The following TMCO4 variants were observed in gnomAD, a reference collection of about 807,000 sequenced individuals.
TMCO4 encodes the protein transmembrane and coiled-coil domains 4.
TMCO4 carries 58 observed loss-of-function variants against 64.7 expected under a neutral mutation model. The ratio of observed to expected loss-of-function variants is 0.90; its 90% confidence interval spans 0.73 to 1.12. The LOEUF (loss-of-function observed/expected upper bound fraction) is 1.12, where lower values mean the gene tolerates loss of function less well. Among genes scored for constraint, TMCO4 ranks in the 50% most tolerant of loss-of-function variants. TMCO4 has a pLI of 0.00. For missense variants in TMCO4, 780 were observed against 825.9 expected (o/e 0.94, Z 0.68); for synonymous variants, 325 against 346.1 (o/e 0.94, Z 0.68).
At chr1:19,757,159 C>CA (rs1553145644) in intron 6 of TMCO4, among the ~76,000 whole-genome samples, 3 of 135,414 alleles carry the variant, frequency 2.2e-5, no homozygotes, top group African/African-American at 8.1e-5. Context: ...GGCGTGGTGG[C>CA]GGGGGGGGGC....
At chr1:19,715,526 A>G (rs2100705686) in intron 13 of TMCO4, among the ~76,000 whole-genome samples, 1 of 152,320 alleles carries the variant, frequency 6.6e-6, no homozygotes, top group Middle Eastern at 3.4e-3. Flanking sequence ...CACTCTTTGT[A>G]TATTTGGTGC....
At chr1:19,751,672 G>T (rs1186736247) in intron 7 of TMCO4, among the ~76,000 whole-genome samples, 1 of 152,094 alleles carries the variant, frequency 6.6e-6, no homozygotes, top group East Asian at 1.9e-4. Context: ...TTTTCCTAAA[G>T]TTACTTGGCT....
In TMCO4 at chr1:19,743,696, C is replaced by T. The variant is rs2041635082; in HGVS notation, c.877+1836G>A. 1.3e-5 allele frequency among the ~76,000 whole-genome samples: 2 copies of T among 152,198 alleles called. No individual in the cohort carries two copies. The highest frequency in any genetic ancestry group is 2.4e-5 in the African/African-American group (1 of 41,450). On this transcript the variant is annotated intron_variant, in intron 10 of 15. Transcript: ENST00000294543. This position sits in a 1 kb window ranked among gnomAD's most constrained non-coding sequence, Gnocchi z 4.1. The stretch of plus-strand genomic sequence containing the variant: ...TCCATGCCGGCCAGACTTGCAAATT[C>T]CTTTACCTGGGCTCTTGTTCTTGCT...
intron 13 of TMCO4, among the ~76,000 whole-genome samples, chr1:19,708,046 A>G (rs771906067): frequency 6.6e-6 from 1 of 152,164 alleles, no homozygotes; most frequent in Non-Finnish European, 1.5e-5. Flanking sequence ...ACAACGCCAC[A>G]TGAGATTTGG....
intron 6 of TMCO4, among the ~76,000 whole-genome samples, chr1:19,760,999 T>C (rs1213549741): frequency 6.6e-6 from 1 of 152,222 alleles, no homozygotes; most frequent in Non-Finnish European, 1.5e-5. Flanking sequence ...GGAAGCTTCA[T>C]TTATCACCTA....
chr1:19,736,711 C>T lies in TMCO4; in HGVS notation c.1264+661G>A, dbSNP rs146998995. Among the ~76,000 whole-genome samples the T allele has an allele frequency of 2.4e-4, 37 of 152,308 alleles. 2 individuals carry two copies. In the East Asian group the frequency reaches 5.8e-3, roughly 24 times the overall value. On this transcript the variant is annotated intron_variant, in intron 13 of 15. Coordinates refer to ENST00000294543, the MANE Select transcript of TMCO4 (RefSeq NM_181719.7). ...GCAGCAGCCCTCAAGCTTTTCACTG[C>T]CTTGCACAGAAAGGATGACACTGGA...
chr1:19,689,855 C>T (rs530032140), intron 15 of TMCO4, among the ~76,000 whole-genome samples: 1 of 152,248 alleles, frequency 6.6e-6, no homozygotes, highest in South Asian at 2.1e-4. Flanking sequence ...GGCATCAGCT[C>T]TGAGCCCTGT....
intron 6 of TMCO4, among the ~76,000 whole-genome samples, chr1:19,756,391 T>C (rs1027597380): frequency 6.6e-6 from 1 of 152,168 alleles, no homozygotes; most frequent in African/African-American, 2.4e-5. Context: ...ATAAACTTTC[T>C]GGAGGGCAAC....
intron 13 of TMCO4, among the ~76,000 whole-genome samples, chr1:19,707,691 C>G (rs556416300): frequency 6.6e-6 from 1 of 152,270 alleles, no homozygotes; most frequent in East Asian, 1.9e-4. Context: ...GCACGCCTAG[C>G]CTTCTCGGTT....
chr1:19,687,282 T>G (rs2095157076), intron 15 of TMCO4, among the ~76,000 whole-genome samples: 2 of 152,256 alleles, frequency 1.3e-5, no homozygotes, highest in African/African-American at 4.8e-5. Context: ...AGATGGGGAC[T>G]TCTTATGTTC....
intron 6 of TMCO4, among the ~76,000 whole-genome samples, chr1:19,762,885 C>T (rs2042567094): frequency 6.6e-6 from 1 of 152,150 alleles, no homozygotes; most frequent in Non-Finnish European, 1.5e-5. Context: ...TGGTCAATCC[C>T]CGCCCTTTGG....
chr1:19,747,022 C>T (rs1040331348), intron 8 of TMCO4, 141 bp downstream of exon 8: 9 of 799,296 alleles, frequency 1.1e-5, no homozygotes, highest in Admixed American at 5.6e-5. Context: ...ATGAGCACAC[C>T]GACTACTCAC....
At chr1:19,684,057 C>T (rs1199232206) in intron 15 of TMCO4, among the ~76,000 whole-genome samples, 2 of 140,956 alleles carry the variant, frequency 1.4e-5, no homozygotes, top group African/African-American at 2.8e-5. Context: ...CCACTGTGCC[C>T]GGCAGCTTTT....
At position 19,755,664 on chromosome 1, in the gene TMCO4, C is replaced by T; in HGVS notation, c.485G>A (p.Ser162Asn). The T allele has an allele frequency of 6.2e-7, 1 of 1,614,140 alleles. No homozygotes were observed. Residue 162 changes from serine to asparagine, a missense_variant, in exon 7 of 16, where the codon AGC becomes AAC. By Grantham distance (46) the Ser-to-Asn change is conservative. Coordinates refer to ENST00000294543, the MANE Select transcript of TMCO4 (RefSeq NM_181719.7). The stretch of plus-strand genomic sequence containing the variant: ...TTCCTCTTCTTTGATTTCCTTCAGG[C>T]TCTCCAGGAACATCTCTTCAAGGAC... ...LDVLEEMFLE[S>N]LKEIKEEESE...
intron 8 of TMCO4, 115 bp downstream of exon 8, chr1:19,747,048 T>C: frequency 5.1e-6 from 5 of 985,806 alleles, no homozygotes; most frequent in Non-Finnish European, 7.8e-6. Context: ...ACCTACCACA[T>C]GCCAGGGGCC....
chr1:19,717,289 G>A (rs1272541646), intron 13 of TMCO4, among the ~76,000 whole-genome samples: 1 of 152,164 alleles, frequency 6.6e-6, no homozygotes, highest in African/African-American at 2.4e-5. Flanking sequence ...GCTGAAGGAT[G>A]GGGTGTTCAG....
At chr1:19,735,577 C>T (rs1484490077) in intron 13 of TMCO4, among the ~76,000 whole-genome samples, 3 of 152,186 alleles carry the variant, frequency 2.0e-5, no homozygotes, top group Non-Finnish European at 4.4e-5. Context: ...CCACCTGCCT[C>T]CCTCTTCCCT....
Position 19,687,568 on chromosome 1 carries a change from TG to T in TMCO4, c.1501-4125del, listed in dbSNP as rs1396289852. Among the ~76,000 whole-genome samples, 10 of 152,278 alleles carry T rather than the reference TG, an allele frequency of 6.6e-5. No homozygotes were observed. In the East Asian group the frequency reaches 1.9e-3, roughly 29 times the overall value. On this transcript the variant is annotated intron_variant, in intron 15 of 15. Transcript: ENST00000294543. ...GGGGGATGGAGAGTAGGGAGTTAGC[TG>T]GGCTGATCCATTTGGGAGCCCAAGA...
intron 6 of TMCO4, among the ~76,000 whole-genome samples, chr1:19,758,890 C>G (rs973307805): frequency 1.3e-5 from 2 of 152,066 alleles, no homozygotes; most frequent in Non-Finnish European, 2.9e-5. Flanking sequence ...CACTTGAGGT[C>G]AGGAGTTCAA....
Sources: gnomAD v4.1 joint callset for allele counts (sites outside exome capture counted in the v4.1 genomes callset) on GRCh38, gnomAD v4.1.1 for gene constraint, Gnocchi (gnomAD v3.1) non-coding constraint, MANE v1.5 for transcripts, NCBI Gene and HGNC (gene_info 2026-07-23, HGNC 2026-07-21) for gene names.